Variants in CSMD1 observed in about 807,000 individuals in gnomAD.
CSMD1 encodes the protein CUB and Sushi multiple domains 1.
A neutral mutation model predicts 417.5 loss-of-function variants in CSMD1; 213 were observed. The observed-to-expected ratio is 0.51, with a 90% confidence interval of 0.46 to 0.57. CSMD1 has a LOEUF of 0.57. Ranked by LOEUF, CSMD1 falls within the 20% of genes least tolerant of loss-of-function variation. CSMD1 has a pLI of 0.00. For synonymous variants in CSMD1, 2,862 were observed against 1,736.8 expected (o/e 1.65, Z -16.11); for missense variants, 6,923 against 4,529.7 (o/e 1.53, Z -15.17).
At chr8:4,025,384 C>G (rs868237602) in intron 4 of CSMD1, among the ~76,000 whole-genome samples, 2 of 152,122 alleles carry the variant, frequency 1.3e-5, no homozygotes, top group African/African-American at 4.8e-5. Context: ...CCCTAGATCT[C>G]AAAGTAATTT....
intron 51 of CSMD1, among the ~76,000 whole-genome samples, chr8:3,024,591 G>A (rs1408668335): frequency 1.3e-5 from 2 of 152,172 alleles, no homozygotes; most frequent in Non-Finnish European, 2.9e-5. Context: ...ATAGGCATGA[G>A]CCACCATGCC....
chr8:4,113,176 A>G (rs1801948743), intron 3 of CSMD1, among the ~76,000 whole-genome samples: 1 of 152,092 alleles, frequency 6.6e-6, no homozygotes, highest in Non-Finnish European at 1.5e-5. Flanking sequence ...TCCTAGCCCC[A>G]GAGACACAAC....
At chr8:4,181,749 TTCTTA>T (rs1798388961) in intron 3 of CSMD1, among the ~76,000 whole-genome samples, 1 of 152,140 alleles carries the variant, frequency 6.6e-6, no homozygotes, top group Non-Finnish European at 1.5e-5. Context: ...TAAACAACAA[TTCTTA>T]TCTTGTCATT....
intron 1 of CSMD1, among the ~76,000 whole-genome samples, chr8:4,972,379 TC>T (rs1226257272): frequency 1.3e-5 from 2 of 152,004 alleles, no homozygotes; most frequent in Non-Finnish European, 2.9e-5. Context: ...TGGGAGCAGT[TC>T]CCCCCATGCT....
chr8:3,840,596 A>G (rs750711213), intron 5 of CSMD1, among the ~76,000 whole-genome samples: 2 of 152,014 alleles, frequency 1.3e-5, no homozygotes, highest in Non-Finnish European at 2.9e-5. Flanking sequence ...ATGTGAGTGT[A>G]TGTATAGGTG....
chr8:3,808,881 T>C (rs1028502906), intron 5 of CSMD1, among the ~76,000 whole-genome samples: 3 of 152,164 alleles, frequency 2.0e-5, no homozygotes, highest in African/African-American at 7.2e-5. Flanking sequence ...AATTCTGAAG[T>C]CATATCAGGG....
chr8:3,055,686 A>G (rs889298597), intron 49 of CSMD1, among the ~76,000 whole-genome samples: 1 of 152,198 alleles, frequency 6.6e-6, no homozygotes, highest in African/African-American at 2.4e-5. Context: ...AGAGAGTAAA[A>G]TTCCTCAGTT....
chr8:4,928,010 C>T (rs1385360982), intron 1 of CSMD1, among the ~76,000 whole-genome samples: 1 of 152,190 alleles, frequency 6.6e-6, no homozygotes, highest in South Asian at 2.1e-4. Flanking sequence ...ACCCCACATC[C>T]TCAGCGGCAA....
chr8:3,363,839 G>GGT, intron 20 of CSMD1, among the ~76,000 whole-genome samples: 1 of 152,214 alleles, frequency 6.6e-6, no homozygotes, highest in East Asian at 1.9e-4. Context: ...TAAGTGTGGA[G>GGT]TATCCAGTGC....
chr8:4,730,087 C>T (rs574377791), intron 1 of CSMD1, among the ~76,000 whole-genome samples: 1 of 152,120 alleles, frequency 6.6e-6, no homozygotes, highest in Non-Finnish European at 1.5e-5. Context: ...TGTATGACAT[C>T]TTTATTACCC....
At chr8:3,423,298 C>A (rs551963004) in intron 12 of CSMD1, among the ~76,000 whole-genome samples, 9 of 152,300 alleles carry the variant, frequency 5.9e-5, no homozygotes, top group African/African-American at 1.9e-4. Context: ...TCTCATTCCT[C>A]CACAATTTCC....
chr8:3,295,938 CA>C (rs757227243), intron 25 of CSMD1, among the ~76,000 whole-genome samples: 14 of 152,068 alleles, frequency 9.2e-5, no homozygotes, highest in Non-Finnish European at 1.5e-5. Context: ...ACTTTGCATA[CA>C]TCTGCCAAGT....
chr8:4,055,453 A>T (rs959858771), intron 3 of CSMD1, among the ~76,000 whole-genome samples: 26 of 151,648 alleles, frequency 1.7e-4, no homozygotes, highest in African/African-American at 5.8e-4. Context: ...TTTGAAGAGA[A>T]AAATTTAATA....
At position 4,637,514 on chromosome 8, in the gene CSMD1, C is replaced by G. The variant is rs772363745; in HGVS notation, c.130G>C (p.Glu44Gln). Residue 44 changes from glutamate to glutamine, a missense_variant, in exon 2 of 70, where the codon GAG (glutamate) becomes CAG (glutamine). Coordinates refer to ENST00000635120, the MANE Select transcript of CSMD1 (RefSeq NM_033225.6). ...GLVQGPNGTI[E>Q]SPGFPHGYPN... is the part of the protein sequence containing the mutation. Reference sequence around the variant, plus strand: ...TACCCGTGAGGAAACCCTGGGCTCTCAATAGTGCCATTGGGACCCTGGACT... The same window carrying G: ...TACCCGTGAGGAAACCCTGGGCTCTGAATAGTGCCATTGGGACCCTGGACT... 2 of 1,613,868 alleles carry G rather than the reference C, an allele frequency of 1.2e-6. No individual in the cohort carries two copies. The highest frequency in any genetic ancestry group is 1.6e-4 in the Middle Eastern group (1 of 6,062).
intron 3 of CSMD1, among the ~76,000 whole-genome samples, chr8:4,220,387 C>A (rs540401065): frequency 6.6e-6 from 1 of 152,294 alleles, no homozygotes; most frequent in African/African-American, 2.4e-5. Flanking sequence ...CCCACAGAGG[C>A]CTCTAGACAA....
intron 6 of CSMD1, among the ~76,000 whole-genome samples, chr8:3,720,718 C>G (rs1269657498): frequency 3.3e-5 from 5 of 152,070 alleles, no homozygotes; most frequent in Admixed American, 1.3e-4. Flanking sequence ...CAGGCATGTA[C>G]TCTAAGCCCT....
intron 3 of CSMD1, among the ~76,000 whole-genome samples, chr8:4,372,082 G>C (rs1488773942): frequency 6.6e-6 from 1 of 152,232 alleles, no homozygotes; most frequent in African/African-American, 2.4e-5. Flanking sequence ...TGAGGTGGAA[G>C]AAAAGCCCTT....
intron 3 of CSMD1, among the ~76,000 whole-genome samples, chr8:4,165,934 C>T (rs1181441398): frequency 1.3e-5 from 2 of 152,210 alleles, no homozygotes; most frequent in African/African-American, 4.8e-5. Flanking sequence ...GATAAACTAT[C>T]ATTACTCTTA....
At chr8:4,298,811 T>C (rs1797824621) in intron 3 of CSMD1, among the ~76,000 whole-genome samples, 1 of 152,076 alleles carries the variant, frequency 6.6e-6, no homozygotes, top group Non-Finnish European at 1.5e-5. Flanking sequence ...AAAATACATG[T>C]ACCCTAGAAC....
Sources: allele counts gnomAD v4.1 joint callset (sites outside exome capture counted in the v4.1 genomes callset), GRCh38; gene constraint gnomAD v4.1.1; transcripts MANE v1.5; gene names NCBI Gene and HGNC (gene_info 2026-07-23, HGNC 2026-07-21).